The following UGT3A1 variants were observed in gnomAD, a reference collection of about 807,000 sequenced individuals.
UGT3A1 encodes UDP glycosyltransferase family 3 member A1.
Under a neutral mutation model 37.6 loss-of-function variants are expected in UGT3A1, and 40 were observed. That is an observed-to-expected ratio of 1.06 (90% CI 0.83 to 1.38). UGT3A1 has a LOEUF of 1.38. UGT3A1 is among the 40% of genes most tolerant of loss of function. UGT3A1 has a pLI of 0.00. For synonymous variants in UGT3A1, 256 were observed against 232.3 expected, an observed-to-expected ratio of 1.10 and a Z score of -0.93; for missense variants, 642 against 634.2, an observed-to-expected ratio of 1.01 and a Z score of -0.13.
Position 35,988,555 on chromosome 5 carries a change from G to T in UGT3A1, c.95-4C>A. 1 of 1,600,060 alleles carries T rather than the reference G, an allele frequency of 6.2e-7. No individual in the cohort carries two copies. Among genetic ancestry groups the T allele is most frequent in the Non-Finnish European group, 8.5e-7 (1 of 1,171,068 alleles). On this transcript the variant is annotated splice_polypyrimidine_tract_variant and splice_region_variant and intron_variant, in intron 1 of 6. Coordinates refer to ENST00000274278, the MANE Select transcript of UGT3A1 (RefSeq NM_152404.4). ...AACAGTAGGTAATGGCTTCCACCTA[G>T]AAACAATGCACAATGTCTTTTGTAA... is the stretch of plus-strand genomic sequence containing the variant.
chr5:35,984,314 G>T (rs982052015), intron 2 of UGT3A1, among the ~76,000 whole-genome samples: 9 of 152,064 alleles, frequency 5.9e-5, no homozygotes, highest in Admixed American at 2.0e-4. Flanking sequence ...CTTGAGAATT[G>T]ATGCTCAGTC....
intron 5 of UGT3A1, among the ~76,000 whole-genome samples, chr5:35,956,845 G>A (rs1027586122): frequency 6.6e-6 from 1 of 152,278 alleles, no homozygotes; most frequent in South Asian, 2.1e-4. Context: ...TGCTCTTGGA[G>A]TTTACATATT....
At chr5:35,960,422 TC>T (rs1047886179) in intron 4 of UGT3A1, among the ~76,000 whole-genome samples, 2 of 152,192 alleles carry the variant, frequency 1.3e-5, no homozygotes, top group African/African-American at 4.8e-5. Context: ...ATGGGAAAGT[TC>T]CCTGACCCCC....
At position 35,991,386 on chromosome 5, in the gene UGT3A1, C is replaced by T; in HGVS notation, c.-146G>A. 5.4e-6 allele frequency: 8 copies of T among 1,472,538 alleles called. No homozygotes were observed. Among genetic ancestry groups the T allele is most frequent in the Non-Finnish European group, 7.2e-6 (8 of 1,111,454 alleles). The allele number at this position is 1,472,538 out of a possible 1,614,324, so 91.2% of individuals were successfully genotyped here. On this transcript the variant is annotated 5_prime_UTR_variant, in exon 1 of 7. Coordinates refer to ENST00000274278, the MANE Select transcript of UGT3A1 (RefSeq NM_152404.4). ...GACGGATCCTGCCAATTCTCTCGCC[C>T]TTCTGTTCGTTCTCTTTCCCGCTGC... is the stretch of plus-strand genomic sequence containing the variant.
chr5:35,974,579 C>T (rs148248838), intron 2 of UGT3A1, among the ~76,000 whole-genome samples: 11 of 152,272 alleles, frequency 7.2e-5, no homozygotes, highest in African/African-American at 2.4e-4. Flanking sequence ...GCAGAAAACA[C>T]GTGGATCTTG....
In UGT3A1 at chr5:35,978,359, T is replaced by A. The variant is rs117318622; in HGVS notation, c.196+10091A>T. The stretch of plus-strand genomic sequence containing the variant: ...TCCATTTTCATGGTGCTGATAAAGA[T>A]ATACCCAAGACTAGGTAATTTGCCA... On this transcript the variant is annotated intron_variant, in intron 2 of 6. Coordinates refer to ENST00000274278, the MANE Select transcript of UGT3A1 (RefSeq NM_152404.4). 2.4e-3 allele frequency among the ~76,000 whole-genome samples: 369 copies of A among 152,232 alleles called. 4 individuals are homozygous for A. In the East Asian group the frequency reaches 0.042, roughly 17 times the overall value.
chr5:35,957,388 T>A lies in UGT3A1; in HGVS notation c.875A>T (p.Asp292Val). Residue 292 changes from aspartate (D) to valine (V), a missense_variant, in exon 5 of 7, where the codon GAT (aspartate) becomes GTT (valine). Asp to Val is a radical substitution (Grantham distance 152). Coordinates refer to ENST00000274278, the MANE Select transcript of UGT3A1 (RefSeq NM_152404.4). Reference protein sequence around the residue: ...DLDNFIANFGDAGFVLVAFGS... With the variant: ...DLDNFIANFGVAGFVLVAFGS... Reference sequence around the variant, plus strand: ...AAAGGCCACAAGGACAAACCCTGCATCCCCAAAGTTGGCAATGAAGTTGTC... The same window carrying A: ...AAAGGCCACAAGGACAAACCCTGCAACCCCAAAGTTGGCAATGAAGTTGTC... 6.2e-7 allele frequency: 1 copy of A among 1,614,020 alleles called. No homozygotes were observed.
chr5:35,965,868 A>C lies in UGT3A1; in HGVS notation c.361T>G (p.Cys121Gly), dbSNP rs3756669. The C allele has an allele frequency of 0.16, 249,378 of 1,599,150 alleles. 23,002 individuals carry two copies. Among genetic ancestry groups the C allele is most frequent in the East Asian group, 0.34 (15,111 of 44,754 alleles). Reference protein sequence around the residue: ...VKLMEIFGTQCSYLLSRKDIM... With the variant: ...VKLMEIFGTQGSYLLSRKDIM... ...TCCTTTCTGCTTAGCAAATAACTAC[A>C]TTGAGTCCCAAATATTTCCATTAGC... Residue 121 changes from cysteine to glycine, a missense_variant, in exon 4 of 7, where the codon TGT (cysteine) becomes GGT (glycine). Transcript: ENST00000274278.
At chr5:35,976,509 A>G (rs1740276489) in intron 2 of UGT3A1, among the ~76,000 whole-genome samples, 1 of 152,204 alleles carries the variant, frequency 6.6e-6, no homozygotes, top group African/African-American at 2.4e-5. Flanking sequence ...GTTAAACAAT[A>G]TGATTCAGCC....
At chr5:35,989,259 A>G (rs1740844754) in intron 1 of UGT3A1, among the ~76,000 whole-genome samples, 1 of 152,220 alleles carries the variant, frequency 6.6e-6, no homozygotes, top group African/African-American at 2.4e-5. Flanking sequence ...AGAATCACTG[A>G]TTCTAGGAAA....
chr5:35,996,273 G>A (rs1352383914), upstream of UGT3A1, among the ~76,000 whole-genome samples: 3 of 152,102 alleles, frequency 2.0e-5, no homozygotes, highest in Non-Finnish European at 4.4e-5. Flanking sequence ...AAGTGCAGGG[G>A]TTTCGCTTCT....
intron 5 of UGT3A1, 132 bp from the exon 6 acceptor site, chr5:35,955,996 T>C: frequency 1.1e-6 from 1 of 936,404 alleles, no homozygotes; most frequent in Non-Finnish European, 1.6e-6. Flanking sequence ...TGATTTTGCT[T>C]GGGACACACA....
intron 2 of UGT3A1, among the ~76,000 whole-genome samples, chr5:35,972,604 A>T (rs1339395695): frequency 6.6e-6 from 1 of 151,848 alleles, no homozygotes; most frequent in East Asian, 1.9e-4. Context: ...TTATGAGAAC[A>T]AAGTGATTCA....
At position 35,989,943 on chromosome 5, in the gene UGT3A1, T is replaced by C. The variant is rs1318870968; in HGVS notation, c.94+1204A>G. Among the ~76,000 whole-genome samples the C allele has an allele frequency of 1.1e-4, 16 of 152,024 alleles. No homozygotes were observed. In the East Asian group the frequency reaches 2.3e-3, roughly 22 times the overall value. ...ACTAAAAGAATACAAAAGAATTAGC[T>C]GGGCGTGGTGGCGGGCGCCTGTAGT... On this transcript the variant is annotated intron_variant, in intron 1 of 6. Transcript: ENST00000274278.
intron 2 of UGT3A1, among the ~76,000 whole-genome samples, chr5:35,982,485 C>A (rs1189960526): frequency 6.6e-6 from 1 of 152,180 alleles, no homozygotes; most frequent in African/African-American, 2.4e-5. Flanking sequence ...GGGTTTCAGA[C>A]TTGCATGGGG....
chr5:35,965,673 C>T lies in UGT3A1; in HGVS notation c.556G>A (p.Val186Ile). 1 of 1,614,196 alleles carries T rather than the reference C, an allele frequency of 6.2e-7. No homozygotes were observed. The highest frequency in any genetic ancestry group is 2.2e-5 in the East Asian group (1 of 44,874). Residue 186 changes from valine to isoleucine, a missense_variant, in exon 4 of 7, where the codon GTA becomes ATA. Coordinates refer to ENST00000274278, the MANE Select transcript of UGT3A1 (RefSeq NM_152404.4). ...GLPSPLSYVP[V>I]FPSLLTDHMD... ...TGATCAGTCAGCAAGGAAGGGAATA[C>T]TGGAACATAAGACAAGGGGCTTGGT...
intron 2 of UGT3A1, among the ~76,000 whole-genome samples, chr5:35,975,543 T>A (rs2149975301): frequency 6.6e-6 from 1 of 152,338 alleles, no homozygotes; most frequent in African/African-American, 2.4e-5. Context: ...GCATTGACTC[T>A]GACAAAGAAA....
upstream of UGT3A1, among the ~76,000 whole-genome samples, chr5:35,995,081 G>A (rs979148632): frequency 6.6e-6 from 1 of 152,124 alleles, no homozygotes; most frequent in Non-Finnish European, 1.5e-5. Context: ...AAGACTGAAG[G>A]CCAACAAACA....
At chr5:35,991,568 A>C (rs2111563036), upstream of UGT3A1, 2 of 1,084,508 alleles carry the variant, frequency 1.8e-6, no homozygotes, top group Non-Finnish European at 2.2e-6. Flanking sequence ...AAGAGCCAGG[A>C]ATGACAGGGG....
Sources: allele counts gnomAD v4.1 joint callset (sites outside exome capture counted in the v4.1 genomes callset), GRCh38; gene constraint gnomAD v4.1.1; transcripts MANE v1.5; gene names NCBI Gene and HGNC (gene_info 2026-07-23, HGNC 2026-07-21).